The following ZC3H6 variants were observed in gnomAD, a reference collection of about 807,000 sequenced individuals.
The protein encoded by ZC3H6 is zinc finger CCCH-type containing 6.
Under a neutral mutation model 107.7 loss-of-function variants are expected in ZC3H6, and 40 were observed. The observed-to-expected ratio is 0.37, with a 90% CI of 0.29 to 0.48. The LOEUF (loss-of-function observed/expected upper bound fraction) is 0.48. ZC3H6 is among the 20% of genes least tolerant of loss of function. The pLI is 0.98. For missense variants in ZC3H6, 1,267 were observed against 1,410.4 expected, an observed-to-expected ratio of 0.90 and a Z score of 1.63; for synonymous variants, 493 against 487.9, an observed-to-expected ratio of 1.01 and a Z score of -0.14.
chr2:112,312,108 AAACT>A, intron 5 of ZC3H6, 171 bp downstream of exon 5: 1 of 600,118 alleles, frequency 1.7e-6, no homozygotes, highest in East Asian at 3.3e-5. Flanking sequence ...ATTAGTTGTG[AAACT>A]AATTTACAGA....
intron 5 of ZC3H6, among the ~76,000 whole-genome samples, chr2:112,314,218 T>C (rs745576190): frequency 5.3e-5 from 8 of 152,180 alleles, no homozygotes; most frequent in Non-Finnish European, 1.0e-4. Flanking sequence ...TTCGCAGTAC[T>C]GTCTTGTAAT....
At chr2:112,328,622 A>G (rs1411746912) in intron 11 of ZC3H6, among the ~76,000 whole-genome samples, 2 of 152,220 alleles carry the variant, frequency 1.3e-5, no homozygotes, top group Non-Finnish European at 2.9e-5. Context: ...AATTTCCTGT[A>G]CAATTTCAAT....
At position 112,275,971 on chromosome 2, in the gene ZC3H6, GC is replaced by G; in HGVS notation, c.-20del. On this transcript the variant is annotated 5_prime_UTR_variant, in exon 1 of 12. Coordinates refer to ENST00000409871, the MANE Select transcript of ZC3H6 (RefSeq NM_198581.3). The stretch of plus-strand genomic sequence containing the variant: ...GCCGGCCTCGCAGACCTGCCCTCCA[GC>G]CCCGCCCCGTTCTTGACCAAACATG... 6.5e-7 allele frequency: 1 copy of G among 1,528,850 alleles called. No homozygotes were observed. The highest frequency in any genetic ancestry group is 1.2e-5 in the South Asian group (1 of 81,654). 94.7% of individuals were successfully genotyped at this position (1,528,850 alleles called of 1,614,324 possible).
rs71226779 is a variant in ZC3H6, at chr2:112,289,738, GTTTGTTTTGT to G, written c.33-10097_33-10088del. Among the ~76,000 whole-genome samples the G allele has an allele frequency of 5.3e-5, 8 of 150,684 alleles. No homozygotes were observed. In the East Asian group the frequency reaches 7.8e-4, roughly 15 times the overall value. ...GATTTAAATATTTTTACCGTTTTTT[GTTTGTTTTGT>G]TTTGTTTTGTTTTTGAGACAGGGTC... On this transcript the variant is annotated intron_variant, in intron 1 of 11. Transcript: ENST00000409871.
chr2:112,329,881 A>G (rs948176885), intron 11 of ZC3H6, among the ~76,000 whole-genome samples: 1 of 152,156 alleles, frequency 6.6e-6, no homozygotes, highest in Non-Finnish European at 1.5e-5. Context: ...GAGGAGGGAG[A>G]ATCACCCTTC....
At position 112,275,699 on chromosome 2, in the gene ZC3H6, C is replaced by T. The variant is rs1386265885; in HGVS notation, c.-296C>T. The T allele has an allele frequency of 9.6e-6, 4 of 417,682 alleles. No individual in the cohort carries two copies. Among genetic ancestry groups the T allele is most frequent in the African/African-American group, 8.2e-5 (4 of 48,666 alleles). 25.9% of individuals were successfully genotyped at this position (417,682 alleles called of 1,614,324 possible). On this transcript the variant is annotated 5_prime_UTR_variant, in exon 1 of 12. Coordinates refer to ENST00000409871, the MANE Select transcript of ZC3H6 (RefSeq NM_198581.3). ...CCCCGCGTCGCTGCACGCCGCCCGC[C>T]CGCTCCCACGCCACAGCCACCGGCG...
chr2:112,325,187 C>T lies in ZC3H6; in HGVS notation c.2076C>T (p.Ser692=). 6.2e-7 allele frequency: 1 copy of T among 1,613,906 alleles called. No individual in the cohort carries two copies. The highest frequency in any genetic ancestry group is 8.5e-7 in the Non-Finnish European group (1 of 1,179,838). The change falls in exon 11 of 12, where the codon AGC becomes AGT. Residue 692 remains serine, a synonymous_variant. Coordinates refer to ENST00000409871, the MANE Select transcript of ZC3H6 (RefSeq NM_198581.3). The part of the protein sequence containing the change: ...QTSTQPHRAP[S]KEEDDTVNWY... The stretch of plus-strand genomic sequence containing the variant: ...GCACCCAACCTCATAGGGCACCAAG[C>T]AAGGAAGAAGGTGTGTCAGAAGTTA...
rs1676871232 is a variant in ZC3H6 at position 112,324,577 on chromosome 2, A to T, written c.1766A>T (p.Glu589Val). ...PGEMQLNTNY[E>V]SLQNPAEFYD... ...GAAATGCAGCTCAACACCAATTATGAGTCCCTGCAAAACCCAGCTGAGTTT... is the reference window on the plus strand; with the variant it reads ...GAAATGCAGCTCAACACCAATTATGTGTCCCTGCAAAACCCAGCTGAGTTT... Residue 589 changes from glutamate (E) to valine (V), a missense_variant, in exon 10 of 12, where the codon GAG becomes GTG. Physicochemically the swap from Glu to Val is moderately radical, Grantham distance 121 (BLOSUM62 -2). Coordinates refer to ENST00000409871, the MANE Select transcript of ZC3H6 (RefSeq NM_198581.3). 1.2e-6 allele frequency: 2 copies of T among 1,611,744 alleles called. No homozygotes were observed. The highest frequency in any genetic ancestry group is 1.7e-6 in the Non-Finnish European group (2 of 1,178,738).
intron 1 of ZC3H6, among the ~76,000 whole-genome samples, chr2:112,297,063 C>G (rs1407177315): frequency 6.6e-6 from 1 of 152,108 alleles, no homozygotes; most frequent in African/African-American, 2.4e-5. Context: ...ATTTTAGGCA[C>G]TTTTTAAGGC....
Position 112,303,347 on chromosome 2 carries a change from C to G in ZC3H6, c.332C>G (p.Thr111Ser), listed in dbSNP as rs757490779. ...TACAGGGATTATGACATTCCATTTACTCAGGTATTGCCATTTTTTTGTTTT... is the reference window on the plus strand; with the variant it reads ...TACAGGGATTATGACATTCCATTTAGTCAGGTATTGCCATTTTTTTGTTTT... The part of the protein sequence containing the change: ...GFYRDYDIPF[T>S]QRGHISGSYI... Residue 111 changes from threonine to serine, a missense_variant, in exon 3 of 12, where the codon ACT becomes AGT. By Grantham distance (58) the Thr-to-Ser change is moderately conservative. Coordinates refer to ENST00000409871, the MANE Select transcript of ZC3H6 (RefSeq NM_198581.3). 1 of 1,611,410 alleles carries G rather than the reference C, an allele frequency of 6.2e-7. No individual in the cohort carries two copies. Among genetic ancestry groups the G allele is most frequent in the Non-Finnish European group, 8.5e-7 (1 of 1,178,576 alleles).
intron 1 of ZC3H6, among the ~76,000 whole-genome samples, chr2:112,289,226 G>A (rs149435141): frequency 0.047 from 7,025 of 151,036 alleles, 109 homozygotes; most frequent in Non-Finnish European, 0.073. Flanking sequence ...GGCTGGTCTC[G>A]AACTCAAGTG....
At chr2:112,330,984 T>G in intron 11 of ZC3H6, 21 bp from the exon 12 acceptor site, 1 of 1,304,630 alleles carries the variant, frequency 7.7e-7, no homozygotes, top group South Asian at 2.7e-5. Context: ...AAGTTTATAA[T>G]AAGTTTTTGT....
At chr2:112,306,654 A>G (rs1676482913) in intron 3 of ZC3H6, among the ~76,000 whole-genome samples, 1 of 152,190 alleles carries the variant, frequency 6.6e-6, no homozygotes, top group Non-Finnish European at 1.5e-5. Context: ...TACTTCTGCC[A>G]GATTTCTGGT....
chr2:112,300,639 A>G (rs1221407795), intron 2 of ZC3H6, among the ~76,000 whole-genome samples: 2 of 152,244 alleles, frequency 1.3e-5, no homozygotes, highest in Admixed American at 6.5e-5. Flanking sequence ...GGCATTGTCC[A>G]TCTATTTATT....
At chr2:112,301,606 G>A (rs2104706417) in intron 2 of ZC3H6, among the ~76,000 whole-genome samples, 1 of 152,192 alleles carries the variant, frequency 6.6e-6, no homozygotes, top group African/African-American at 2.4e-5. Context: ...GAGAATAATG[G>A]AGAGTAAGTC....
chr2:112,327,784 A>G (rs1368662693), intron 11 of ZC3H6, among the ~76,000 whole-genome samples: 1 of 152,050 alleles, frequency 6.6e-6, no homozygotes, highest in East Asian at 1.9e-4. Flanking sequence ...TCCCCGATGT[A>G]TGTTTTTAGC....
At position 112,300,018 on chromosome 2, in the gene ZC3H6, G is replaced by T; in HGVS notation, c.202G>T (p.Glu68Ter). 1.4e-6 allele frequency: 2 copies of T among 1,460,686 alleles called. No individual in the cohort carries two copies. The highest frequency in any genetic ancestry group is 2.6e-5 in the East Asian group (1 of 38,226). The allele number at this position is 1,460,686 out of a possible 1,614,324, so 90.5% of individuals were successfully genotyped here. ...GAAAAAATCCAAAAGGAGAAAACGT[G>T]AGAAACATAAGGTTAGTTAGAATCT... ...EKKKSKRRKR[E>*]KHKHNSPSSD... The change falls in exon 2 of 12, where the codon GAG (glutamate) becomes TAG (stop). Residue 68 changes from glutamate (E) to a stop codon, truncating the protein, a stop_gained. Coordinates refer to ENST00000409871, the MANE Select transcript of ZC3H6 (RefSeq NM_198581.3). LOFTEE classifies it high-confidence loss of function.
chr2:112,281,350 A>C (rs1686523175), intron 1 of ZC3H6, among the ~76,000 whole-genome samples: 1 of 152,160 alleles, frequency 6.6e-6, no homozygotes, highest in Non-Finnish European at 1.5e-5. Flanking sequence ...AACACAAGGG[A>C]TTTCACTCTT....
chr2:112,327,249 G>A (rs1000240581), intron 11 of ZC3H6, among the ~76,000 whole-genome samples: 3 of 152,040 alleles, frequency 2.0e-5, no homozygotes, highest in Non-Finnish European at 4.4e-5. Context: ...CTGTAGTTTT[G>A]ATTTGCATTT....
Sources: allele counts gnomAD v4.1 joint callset (sites outside exome capture counted in the v4.1 genomes callset), GRCh38; gene constraint gnomAD v4.1.1; transcripts MANE v1.5; gene names NCBI Gene and HGNC (gene_info 2026-07-23, HGNC 2026-07-21).